Variants in USP40 observed in about 807,000 individuals in gnomAD.
The protein encoded by USP40 is ubiquitin carboxyl-terminal hydrolase 40.
A neutral mutation model predicts 166.2 loss-of-function variants in USP40; 143 were observed. That is an observed-to-expected ratio of 0.86 (90% CI 0.75 to 0.99). The LOEUF (loss-of-function observed/expected upper bound fraction) is 0.99, where lower values mean the gene tolerates loss of function less well. USP40 is among the 50% of genes least tolerant of loss of function. USP40 has a pLI of 0.00. For synonymous variants in USP40, 498 were observed against 524.0 expected, an observed-to-expected ratio of 0.95 and a Z score of 0.68; for missense variants, 1,444 against 1,479.7, an observed-to-expected ratio of 0.98 and a Z score of 0.40.
intron 9 of USP40, 127 bp downstream of exon 9, chr2:233,542,141 A>G: frequency 2.3e-6 from 1 of 428,884 alleles, no homozygotes; most frequent in South Asian, 7.8e-5. Context: ...TCCTTAAGGA[A>G]AGACTATGAA....
intron 30 of USP40, among the ~76,000 whole-genome samples, chr2:233,482,592 T>G (rs577281541): frequency 8.3e-4 from 116 of 139,486 alleles, no homozygotes; most frequent in Non-Finnish European, 1.0e-3. Context: ...GTTTTTTTTT[T>G]TTGTTTTTTT....
chr2:233,560,343 T>C (rs1035624270), intron 3 of USP40, among the ~76,000 whole-genome samples: 4 of 152,188 alleles, frequency 2.6e-5, no homozygotes, highest in African/African-American at 9.6e-5. Flanking sequence ...CCTGCCTCAC[T>C]TTCTCCTGGC....
chr2:233,480,732 G>T lies in USP40; in HGVS notation c.3599+471C>A, dbSNP rs2064522799. Among the ~76,000 whole-genome samples, 1 of 152,206 alleles carries T rather than the reference G, an allele frequency of 6.6e-6. No individual in the cohort carries two copies. Among genetic ancestry groups the T allele is most frequent in the Non-Finnish European group, 1.5e-5 (1 of 68,030 alleles). ...CAGGCAGTGTCCTGGAGGAAGTGGG[G>T]TAGCAGCCCTGAAGCCACAGCAGCG... On this transcript the variant is annotated intron_variant, in intron 31 of 31. Coordinates refer to ENST00000678225, the MANE Select transcript of USP40 (RefSeq NM_001365479.2). This position sits in a 1 kb window ranked among gnomAD's most constrained non-coding sequence, Gnocchi z 4.5.
rs371363724 is a variant in USP40, at chr2:233,540,646, C to T, written c.1170+16G>A. The T allele has an allele frequency of 1.5e-5, 23 of 1,566,888 alleles. No individual in the cohort carries two copies. The highest frequency in any genetic ancestry group is 9.5e-5 in the African/African-American group (7 of 73,674). Reference sequence around the variant, plus strand: ...TTCTTGGGACTAGGACTTCCCAAAACGATGCCATGTATTACCTTCCGCAGT... The same window carrying T: ...TTCTTGGGACTAGGACTTCCCAAAATGATGCCATGTATTACCTTCCGCAGT... On this transcript the variant is annotated intron_variant, in intron 10 of 31. Coordinates refer to ENST00000678225, the MANE Select transcript of USP40 (RefSeq NM_001365479.2).
rs72982319 is a variant in USP40 at position 233,511,715 on chromosome 2, C to A, written c.2520G>T (p.Ser840=). Residue 840 remains serine, a synonymous_variant, in exon 20 of 32, where the codon TCG becomes TCT. Coordinates refer to ENST00000678225, the MANE Select transcript of USP40 (RefSeq NM_001365479.2). ...LGLCLGKAPS[S]SQLFLFFAMG... is the part of the protein sequence containing the mutation. The stretch of plus-strand genomic sequence containing the variant: ...ACAGGTGACCTTATTTTACCTGAGA[C>A]GAACTTGGTGCTTTTCCAAGACACA... 2 of 1,609,692 alleles carry A rather than the reference C, an allele frequency of 1.2e-6. No individual in the cohort carries two copies. The highest frequency in any genetic ancestry group is 3.4e-5 in the Admixed American group (2 of 59,544).
At position 233,478,901 on chromosome 2, in the gene USP40, G is replaced by C. The variant is rs1214573679; in HGVS notation, c.3600-1398C>G. Among the ~76,000 whole-genome samples the C allele has an allele frequency of 2.6e-5, 4 of 152,322 alleles. No homozygotes were observed. In the East Asian group the frequency reaches 7.7e-4, roughly 29 times the overall value. On this transcript the variant is annotated intron_variant, in intron 31 of 31. Coordinates refer to ENST00000678225, the MANE Select transcript of USP40 (RefSeq NM_001365479.2). The stretch of plus-strand genomic sequence containing the variant: ...CGGTCACGCTGGCCCATCTAGGAGA[G>C]GCTGTGTACCTGGGGAGGGAGGTGC...
At chr2:233,494,272 AT>A (rs148019660) in intron 24 of USP40, among the ~76,000 whole-genome samples, 30,649 of 148,940 alleles carry the variant, frequency 0.21, 3,237 homozygotes, top group Non-Finnish European at 0.21. Context: ...ACAAAATTCC[AT>A]TTTTTTTTTT....
chr2:233,510,452 G>A (rs769021636), intron 20 of USP40, among the ~76,000 whole-genome samples: 1 of 129,530 alleles, frequency 7.7e-6, no homozygotes, highest in Non-Finnish European at 1.5e-5. Flanking sequence ...GCCCAGGCTG[G>A]AGTGCAGTGG....
chr2:233,539,602 T>A (rs931697856), intron 10 of USP40, among the ~76,000 whole-genome samples: 2 of 152,108 alleles, frequency 1.3e-5, no homozygotes, highest in Non-Finnish European at 2.9e-5. Flanking sequence ...TATAACTGAC[T>A]ATATTCAACA....
intron 6 of USP40, among the ~76,000 whole-genome samples, chr2:233,553,474 C>T (rs1387368508): frequency 6.6e-6 from 1 of 152,174 alleles, no homozygotes; most frequent in African/African-American, 2.4e-5. Context: ...AGACAGACCT[C>T]ACATCAGTAC....
chr2:233,542,267 C>T lies in USP40; in HGVS notation c.1062+1G>A, dbSNP rs960683628. On this transcript the variant is annotated splice_donor_variant, in intron 9 of 31. Transcript: ENST00000678225. LOFTEE classifies it high-confidence loss of function. ...CAAATACATACACACACATACTATA[C>T]CTCTAATAAGATTGCTTTTAGAATC... The T allele has an allele frequency of 2.7e-6, 4 of 1,508,042 alleles. No individual in the cohort carries two copies. Among genetic ancestry groups the T allele is most frequent in the Non-Finnish European group, 3.6e-6 (4 of 1,114,822 alleles). The allele number at this position is 1,508,042 out of a possible 1,614,324, so 93.4% of individuals were successfully genotyped here.
chr2:233,540,746 A>T lies in USP40; in HGVS notation c.1086T>A (p.Val362=), dbSNP rs777543377. ...TCAAAAGTTTCTGGCCCAGCTGATCAACAGGAATTAGATTATTCTCCTCCT... is the reference window on the plus strand; with the variant it reads ...TCAAAAGTTTCTGGCCCAGCTGATCTACAGGAATTAGATTATTCTCCTCCT... ...LLEEENNLIP[V]DQLGQKLLKK... Residue 362 remains valine (V), a synonymous_variant, in exon 10 of 32, where the codon GTT becomes GTA. Coordinates refer to ENST00000678225, the MANE Select transcript of USP40 (RefSeq NM_001365479.2). 2 of 1,613,350 alleles carry T rather than the reference A, an allele frequency of 1.2e-6. No homozygotes were observed. Among genetic ancestry groups the T allele is most frequent in the Admixed American group, 1.7e-5 (1 of 59,984 alleles).
At chr2:233,558,864 G>T (rs528825620) in intron 4 of USP40, among the ~76,000 whole-genome samples, 1 of 151,996 alleles carries the variant, frequency 6.6e-6, no homozygotes, top group Non-Finnish European at 1.5e-5. Context: ...TAACATACTT[G>T]TTTAGGGAAT....
At chr2:233,490,997 T>A in intron 26 of USP40, 170 bp downstream of exon 26, 1 of 716,960 alleles carries the variant, frequency 1.4e-6, no homozygotes, top group Non-Finnish European at 2.6e-6. Flanking sequence ...AGGAGCCGTC[T>A]GCACCATGGG....
chr2:233,540,641 C>CA, intron 10 of USP40, 21 bp downstream of exon 10: 1 of 1,559,826 alleles, frequency 6.4e-7, no homozygotes, highest in Non-Finnish European at 8.8e-7. Flanking sequence ...TAGGACTTCC[C>CA]AAAACGATGC....
chr2:233,560,616 A>G (rs1012838592), intron 3 of USP40: 1 of 174,574 alleles, frequency 5.7e-6, no homozygotes, highest in Non-Finnish European at 1.2e-5. Flanking sequence ...GGGCTAGATC[A>G]TGAAAGACTC....
intron 30 of USP40, among the ~76,000 whole-genome samples, chr2:233,482,321 G>A (rs1384659832): frequency 4.7e-5 from 7 of 150,380 alleles, no homozygotes; most frequent in African/African-American, 9.8e-5. Context: ...TCAAGATTGC[G>A]CCACTGTACT....
At chr2:233,518,609 T>C (rs975379138) in intron 18 of USP40, among the ~76,000 whole-genome samples, 3 of 150,398 alleles carry the variant, frequency 2.0e-5, no homozygotes, top group African/African-American at 4.9e-5. Context: ...TAATCACAGA[T>C]TGACAAGGAC....
chr2:233,533,425 T>C, intron 11 of USP40, 54 bp downstream of exon 11: 1 of 1,522,880 alleles, frequency 6.6e-7, no homozygotes, highest in Non-Finnish European at 8.8e-7. Flanking sequence ...GCATTCCATG[T>C]TTATCTTCTA....
Sources: allele counts gnomAD v4.1 joint callset (sites outside exome capture counted in the v4.1 genomes callset), GRCh38; gene constraint gnomAD v4.1.1; non-coding constraint Gnocchi (gnomAD v3.1); transcripts MANE v1.5; gene names NCBI Gene and HGNC (gene_info 2026-07-23, HGNC 2026-07-21).